The following NUBPL variants were observed in gnomAD, a reference collection of about 807,000 sequenced individuals.
NUBPL encodes NUBP iron-sulfur cluster assembly factor, mitochondrial.
In NUBPL, 31 loss-of-function variants were observed where a neutral mutation model predicts 45.7. The observed-to-expected ratio is 0.68, with a 90% CI of 0.51 to 0.92. NUBPL has a LOEUF of 0.92. NUBPL is among the 40% of genes least tolerant of loss of function. The pLI, the probability that NUBPL is intolerant of heterozygous loss-of-function variation, is 0.00. For missense variants in NUBPL, 401 were observed against 398.7 expected, an observed-to-expected ratio of 1.01 and a Z score of -0.05; for synonymous variants, 144 against 140.9, an observed-to-expected ratio of 1.02 and a Z score of -0.15.
rs149345097 is a variant in NUBPL at position 31,619,965 on chromosome 14, G to A, written c.382+20586G>A. 3.4e-4 allele frequency among the ~76,000 whole-genome samples: 51 copies of A among 152,024 alleles called. No individual in the cohort carries two copies. In the East Asian group the frequency reaches 9.3e-3, roughly 28 times the overall value. On this transcript the variant is annotated intron_variant, in intron 4 of 10. Coordinates refer to ENST00000281081, the MANE Select transcript of NUBPL (RefSeq NM_025152.3). ...TATTTACATAGTCCCATATTTCTGG[G>A]AGGCTTTGTTTGCTTCTTTTAACTC...
intron 6 of NUBPL, among the ~76,000 whole-genome samples, chr14:31,703,778 A>G (rs1007422177): frequency 1.3e-5 from 2 of 152,208 alleles, no homozygotes; most frequent in African/African-American, 2.4e-5. Context: ...AGCCATATCA[A>G]TTTGCATGCC....
chr14:31,755,539 G>A (rs982645763), intron 6 of NUBPL, among the ~76,000 whole-genome samples: 35 of 150,808 alleles, frequency 2.3e-4, no homozygotes, highest in African/African-American at 7.6e-4. Flanking sequence ...ACTTTTTGAT[G>A]GAGTTGTTTG....
chr14:31,654,564 A>T (rs557284708), intron 4 of NUBPL, among the ~76,000 whole-genome samples: 1 of 151,854 alleles, frequency 6.6e-6, no homozygotes, highest in African/African-American at 2.4e-5. Context: ...ACCCGCCACC[A>T]CACCTGGCTA....
intron 3 of NUBPL, among the ~76,000 whole-genome samples, chr14:31,573,048 G>A (rs2033629598): frequency 6.6e-6 from 1 of 152,176 alleles, no homozygotes; most frequent in African/African-American, 2.4e-5. Flanking sequence ...GTCAGTGAGT[G>A]GTGAGTGAAT....
At chr14:31,814,703 T>A (rs2039880785) in intron 7 of NUBPL, among the ~76,000 whole-genome samples, 1 of 152,210 alleles carries the variant, frequency 6.6e-6, no homozygotes. Flanking sequence ...CATCTTGAAT[T>A]AATTTTTGAA....
At chr14:31,682,787 G>T (rs2036862334) in intron 6 of NUBPL, among the ~76,000 whole-genome samples, 1 of 152,100 alleles carries the variant, frequency 6.6e-6, no homozygotes, top group Non-Finnish European at 1.5e-5. Flanking sequence ...CTGTGTCTCA[G>T]TCCATTTAGT....
intron 4 of NUBPL, among the ~76,000 whole-genome samples, chr14:31,651,991 A>G (rs1168003349): frequency 1.3e-5 from 2 of 152,142 alleles, no homozygotes; most frequent in East Asian, 3.8e-4. Flanking sequence ...TAGGTGCATG[A>G]AAAAATGCTC....
At chr14:31,818,597 A>G (rs1017764914) in intron 7 of NUBPL, among the ~76,000 whole-genome samples, 1 of 151,908 alleles carries the variant, frequency 6.6e-6, no homozygotes, top group Non-Finnish European at 1.5e-5. Flanking sequence ...CCCAGGCTGG[A>G]CTGCAGTTCA....
At chr14:31,623,272 T>A (rs1369737822) in intron 4 of NUBPL, among the ~76,000 whole-genome samples, 1 of 152,212 alleles carries the variant, frequency 6.6e-6, no homozygotes, top group African/African-American at 2.4e-5. Flanking sequence ...GTAGTTAACT[T>A]CTTTTTGATT....
chr14:31,617,178 G>C (rs2034926224), intron 4 of NUBPL, among the ~76,000 whole-genome samples: 1 of 152,216 alleles, frequency 6.6e-6, no homozygotes, highest in Non-Finnish European at 1.5e-5. Flanking sequence ...TTTGGGCTGA[G>C]ATGATGGGGC....
intron 6 of NUBPL, among the ~76,000 whole-genome samples, chr14:31,772,341 AATAT>A (rs1490914782): frequency 6.6e-6 from 1 of 152,154 alleles, no homozygotes; most frequent in African/African-American, 2.4e-5. Context: ...GCAGGTTTGT[AATAT>A]ATTAGGCCTT....
At chr14:31,776,579 A>G (rs1359243158) in intron 6 of NUBPL, among the ~76,000 whole-genome samples, 1 of 152,132 alleles carries the variant, frequency 6.6e-6, no homozygotes, top group Non-Finnish European at 1.5e-5. Context: ...TCCACCTCTT[A>G]ATTCAGTCCT....
chr14:31,768,221 T>C lies in NUBPL; in HGVS notation c.514-19559T>C, dbSNP rs187392297. Among the ~76,000 whole-genome samples the C allele has an allele frequency of 2.6e-5, 4 of 152,296 alleles. No homozygotes were observed. The South Asian group carries it at 6.2e-4, about 24-fold the overall frequency. On this transcript the variant is annotated intron_variant, in intron 6 of 10. Transcript: ENST00000281081. ...AGTTTGGCAGGAGCCTATCAAGCAA[T>C]AGGGCAAAGAAAATATTCTCATCTT...
At chr14:31,661,772 C>T (rs2036275889) in intron 4 of NUBPL, among the ~76,000 whole-genome samples, 2 of 152,156 alleles carry the variant, frequency 1.3e-5, no homozygotes, top group Admixed American at 6.5e-5. Flanking sequence ...AATCTCCTGA[C>T]CTCGTGATCC....
At chr14:31,564,675 A>G (rs2033389412) in intron 2 of NUBPL, among the ~76,000 whole-genome samples, 1 of 152,158 alleles carries the variant, frequency 6.6e-6, no homozygotes, top group Non-Finnish European at 1.5e-5. Flanking sequence ...TTTGAAAATA[A>G]TTGAATTATA....
intron 3 of NUBPL, among the ~76,000 whole-genome samples, chr14:31,567,116 T>C (rs1295165779): frequency 6.6e-6 from 1 of 152,212 alleles, no homozygotes; most frequent in African/African-American, 2.4e-5. Flanking sequence ...AACTATAAAA[T>C]TCCAGGTTCA....
intron 6 of NUBPL, among the ~76,000 whole-genome samples, chr14:31,743,453 C>T (rs1368614744): frequency 3.3e-5 from 5 of 152,114 alleles, no homozygotes; most frequent in African/African-American, 1.2e-4. Context: ...AATCTCGGCT[C>T]ACTGCAACCT....
chr14:31,667,718 C>A (rs2036467941), intron 4 of NUBPL: 1 of 152,110 alleles, frequency 6.6e-6, no homozygotes, highest in Non-Finnish European at 1.5e-5. Context: ...ATGCTGATGA[C>A]CTTTGGATAG....
chr14:31,643,866 C>T (rs1357068059), intron 4 of NUBPL, among the ~76,000 whole-genome samples: 2 of 151,978 alleles, frequency 1.3e-5, no homozygotes, highest in African/African-American at 4.8e-5. Flanking sequence ...CTGGTTCAAT[C>T]TTGATAGGTT....
Sources: allele counts gnomAD v4.1 joint callset (sites outside exome capture counted in the v4.1 genomes callset), GRCh38; gene constraint gnomAD v4.1.1; transcripts MANE v1.5; gene names NCBI Gene and HGNC (gene_info 2026-07-23, HGNC 2026-07-21).